Variants in OMA1 observed in about 807,000 individuals in gnomAD.
OMA1 encodes the protein OMA1 zinc metallopeptidase, also known as metalloendopeptidase OMA1, mitochondrial.
Under a neutral mutation model 30.9 loss-of-function variants are expected in OMA1, and 38 were observed. The ratio of observed to expected loss-of-function variants is 1.23; its 90% confidence interval spans 0.95 to 1.61. The LOEUF is 1.61. Ranked by LOEUF, OMA1 falls within the 40% of genes most tolerant of loss-of-function variation. The pLI, the probability that OMA1 is intolerant of heterozygous loss-of-function variation, is 0.00. For synonymous variants in OMA1, 173 were observed against 121.9 expected, an observed-to-expected ratio of 1.42 and a Z score of -2.76; for missense variants, 461 against 349.2, an observed-to-expected ratio of 1.32 and a Z score of -2.55.
At chr1:58,502,384 T>G (rs762743444) in intron 8 of OMA1, among the ~76,000 whole-genome samples, 7 of 152,202 alleles carry the variant, frequency 4.6e-5, no homozygotes, top group Admixed American at 6.5e-5. Context: ...CTCTAATCAC[T>G]TCCTACGTGA....
chr1:58,481,987 T>C (rs895129242), intron 8 of OMA1, among the ~76,000 whole-genome samples: 1 of 152,200 alleles, frequency 6.6e-6, no homozygotes, highest in Admixed American at 6.5e-5. Flanking sequence ...CTAATATACT[T>C]AGAAAAGTAA....
chr1:58,513,615 A>C (rs1233753433), intron 7 of OMA1, among the ~76,000 whole-genome samples: 1 of 152,198 alleles, frequency 6.6e-6, no homozygotes, highest in Non-Finnish European at 1.5e-5. Flanking sequence ...ATTTTTTGAG[A>C]CTGTAAACTA....
At chr1:58,510,962 A>G (rs563575465) in intron 7 of OMA1, among the ~76,000 whole-genome samples, 1 of 152,268 alleles carries the variant, frequency 6.6e-6, no homozygotes, top group South Asian at 2.1e-4. Flanking sequence ...AAAACTGATG[A>G]AAGAAATTAA....
chr1:58,509,601 A>G (rs1464233094), intron 7 of OMA1, among the ~76,000 whole-genome samples: 4 of 112,174 alleles, frequency 3.6e-5, no homozygotes, highest in Non-Finnish European at 6.0e-5. Flanking sequence ...ACCAAAAAAG[A>G]AAAAAAAAAA....
chr1:58,527,482 T>TA (rs1646370967), intron 6 of OMA1, 147 bp from the exon 7 acceptor site: 1 of 580,048 alleles, frequency 1.7e-6, no homozygotes, highest in Non-Finnish European at 3.1e-6. Context: ...AACTCCATGA[T>TA]ATAAAATATA....
chr1:58,502,645 C>G (rs1645924665), intron 8 of OMA1, among the ~76,000 whole-genome samples: 2 of 152,214 alleles, frequency 1.3e-5, no homozygotes, highest in Non-Finnish European at 2.9e-5. Context: ...TACAGACTCA[C>G]ATAATTCTAT....
At chr1:58,506,952 T>C (rs1415728158) in intron 7 of OMA1, among the ~76,000 whole-genome samples, 2 of 151,704 alleles carry the variant, frequency 1.3e-5, no homozygotes, top group Non-Finnish European at 2.9e-5. Context: ...AATTCCATCA[T>C]ACACTCATAT....
chr1:58,487,228 C>G (rs1287435232), intron 8 of OMA1, among the ~76,000 whole-genome samples: 1 of 152,120 alleles, frequency 6.6e-6, no homozygotes, highest in Non-Finnish European at 1.5e-5. Context: ...TTAAAGCAGT[C>G]AAGATTTTTT....
intron 7 of OMA1, among the ~76,000 whole-genome samples, chr1:58,515,490 A>G (rs1646145781): frequency 6.6e-6 from 1 of 152,186 alleles, no homozygotes; most frequent in Admixed American, 6.5e-5. Flanking sequence ...CATAAGACTC[A>G]ACAGCTGAAA....
chr1:58,529,779 A>C (rs1330562420), intron 6 of OMA1, among the ~76,000 whole-genome samples: 2 of 152,232 alleles, frequency 1.3e-5, no homozygotes, highest in African/African-American at 4.8e-5. Context: ...TAGTAAAATA[A>C]CTATTTACAT....
chr1:58,511,619 A>G (rs72672221), intron 7 of OMA1, among the ~76,000 whole-genome samples: 7,339 of 152,142 alleles, frequency 0.048, 224 homozygotes, highest in African/African-American at 0.063. Context: ...ACAGAGCAAG[A>G]CCCTGTCTCA....
chr1:58,513,351 T>C (rs1211677678), intron 7 of OMA1, among the ~76,000 whole-genome samples: 2 of 152,220 alleles, frequency 1.3e-5, no homozygotes, highest in Admixed American at 1.3e-4. Context: ...CTTTCCTTTA[T>C]AAATTACCCA....
intron 8 of OMA1, among the ~76,000 whole-genome samples, chr1:58,492,631 T>C (rs576728533): frequency 5.3e-5 from 8 of 152,202 alleles, no homozygotes; most frequent in East Asian, 1.9e-4. Flanking sequence ...GAGAATACTA[T>C]AAACACCTCT....
At chr1:58,506,421 A>C (rs1645991494) in intron 7 of OMA1, among the ~76,000 whole-genome samples, 1 of 152,176 alleles carries the variant, frequency 6.6e-6, no homozygotes, top group Non-Finnish European at 1.5e-5. Flanking sequence ...ATATCTCCTA[A>C]CAACTTTATG....
chr1:58,504,115 A>T (rs1441464294), intron 8 of OMA1, among the ~76,000 whole-genome samples: 7 of 152,188 alleles, frequency 4.6e-5, no homozygotes, highest in Non-Finnish European at 1.0e-4. Context: ...AGTGATCACA[A>T]TAAAACATGA....
intron 7 of OMA1, among the ~76,000 whole-genome samples, chr1:58,514,446 A>G (rs972231267): frequency 1.3e-5 from 2 of 152,184 alleles, no homozygotes; most frequent in African/African-American, 4.8e-5. Flanking sequence ...AAAGATGAAA[A>G]GTATCTCTGA....
chr1:58,488,654 G>A (rs1645618804), intron 8 of OMA1, among the ~76,000 whole-genome samples: 1 of 152,192 alleles, frequency 6.6e-6, no homozygotes, highest in Admixed American at 6.5e-5. Flanking sequence ...GTTTCTCCAT[G>A]TTGGTCAGGC....
chr1:58,506,950 C>T (rs1185803336), intron 7 of OMA1, among the ~76,000 whole-genome samples: 2 of 151,140 alleles, frequency 1.3e-5, no homozygotes, highest in Non-Finnish European at 3.0e-5. Flanking sequence ...ACAATTCCAT[C>T]ATACACTCAT....
At chr1:58,483,474 A>C (rs995306460) in intron 8 of OMA1, among the ~76,000 whole-genome samples, 1 of 152,206 alleles carries the variant, frequency 6.6e-6, no homozygotes, top group East Asian at 1.9e-4. Flanking sequence ...CTGAGTTACC[A>C]AGGTAAGCTG....
Sources: allele counts gnomAD v4.1 joint callset (sites outside exome capture counted in the v4.1 genomes callset), GRCh38; gene constraint gnomAD v4.1.1; transcripts MANE v1.5; gene names NCBI Gene and HGNC (gene_info 2026-07-23, HGNC 2026-07-21).